The following FAM153A variants were observed in gnomAD, a reference collection of about 807,000 sequenced individuals.
FAM153A encodes the protein protein FAM153A.
FAM153A carries 12 observed loss-of-function variants against 48.1 expected under a neutral mutation model. That is an observed-to-expected ratio of 0.25 (90% CI 0.16 to 0.40). The LOEUF (loss-of-function observed/expected upper bound fraction) is 0.40. Among genes scored for constraint, FAM153A ranks in the 10% least tolerant of loss-of-function variants. The pLI is 1.00. For synonymous variants in FAM153A, 36 were observed against 118.2 expected, an observed-to-expected ratio of 0.30 and a Z score of 4.51; for missense variants, 111 against 345.8, an observed-to-expected ratio of 0.32 and a Z score of 5.38.
At chr5:177,702,198 G>A in the FAM153A span, among the ~76,000 whole-genome samples, 8 of 151,838 alleles carry the variant, frequency 5.3e-5, no homozygotes, top group South Asian at 2.1e-4. Context: ...GTGAGCCACC[G>A]CGCCTGGCCA....
At chr5:177,697,596 G>A in the FAM153A span, among the ~76,000 whole-genome samples, 1 of 151,828 alleles carries the variant, frequency 6.6e-6, no homozygotes, top group African/African-American at 2.4e-5. Context: ...AGGAGTCAGT[G>A]GTTGTCATTG....
upstream of FAM153A, among the ~76,000 whole-genome samples, chr5:177,755,494 C>G (rs1312524539): frequency 1.8e-4 from 28 of 151,776 alleles, no homozygotes; most frequent in Middle Eastern, 3.4e-3. Context: ...GTGCCACAAA[C>G]ATACTCCTCG....
intron 1 of FAM153A, among the ~76,000 whole-genome samples, chr5:177,770,137 A>G (rs1321625643): frequency 3.4e-4 from 44 of 130,642 alleles, no homozygotes; most frequent in Non-Finnish European, 3.2e-5. Flanking sequence ...TTTATCTATA[A>G]CATTCACTGC....
At chr5:177,703,470 AGACTTTG>A (rs1204939686), downstream of FAM153A, among the ~76,000 whole-genome samples, 2 of 150,338 alleles carry the variant, frequency 1.3e-5, no homozygotes, top group African/African-American at 4.9e-5. Context: ...GTCTCAGATG[AGACTTTG>A]GACTTTGGAC....
chr5:177,700,381 G>A, the FAM153A span, among the ~76,000 whole-genome samples: 3 of 152,014 alleles, frequency 2.0e-5, no homozygotes, highest in Non-Finnish European at 2.9e-5. Flanking sequence ...AGATAGGAAA[G>A]GTGGAAGTAA....
chr5:177,706,834 TGAA>T (rs1451418872), downstream of FAM153A: 2 of 151,886 alleles, frequency 1.3e-5, no homozygotes, highest in Non-Finnish European at 2.9e-5. Flanking sequence ...TTGGCAAATG[TGAA>T]GAAGTGAGAT....
At chr5:177,758,719 A>C (rs1271227867) in intron 1 of FAM153A, among the ~76,000 whole-genome samples, 4 of 151,106 alleles carry the variant, frequency 2.6e-5, no homozygotes, top group Non-Finnish European at 5.9e-5. Flanking sequence ...AAAACAAGAA[A>C]TGGGGAAAGG....
At chr5:177,698,940 AGCCACTGTGTGCT>A in the FAM153A span, among the ~76,000 whole-genome samples, 1 of 151,796 alleles carries the variant, frequency 6.6e-6, no homozygotes, top group Non-Finnish European at 1.5e-5. Context: ...TACAGGTGTG[AGCCACTGTGTGCT>A]GCCACTTTTT....
chr5:177,753,911 G>A (rs1442382647), upstream of FAM153A, among the ~76,000 whole-genome samples: 1 of 151,932 alleles, frequency 6.6e-6, no homozygotes, highest in African/African-American at 2.4e-5. Flanking sequence ...CAGCGTGAGT[G>A]ATGCAGAATA....
chr5:177,743,187 CTTGTTTTTTTT>C (rs1177511258), intron 6 of FAM153A, among the ~76,000 whole-genome samples: 34 of 77,902 alleles, frequency 4.4e-4, no homozygotes, highest in Middle Eastern at 6.4e-3. Flanking sequence ...ACTGCATTCA[CTTGTTTTTTTT>C]TTGTTTTGTT....
chr5:177,752,635 A>AG (rs1767099235), intron 1 of FAM153A, among the ~76,000 whole-genome samples: 2 of 134,104 alleles, frequency 1.5e-5, no homozygotes, highest in Admixed American at 7.3e-5. Context: ...AAAAAAAAAA[A>AG]AAAAAAAGAA....
the FAM153A span, among the ~76,000 whole-genome samples, chr5:177,698,438 T>C: frequency 2.1e-3 from 318 of 152,030 alleles, 5 homozygotes; most frequent in Admixed American, 6.2e-3. Flanking sequence ...GTGGCTTCAC[T>C]GACAAACTTG....
At chr5:177,781,264 A>ATTTTTTTTTTT (rs1303137176), upstream of FAM153A, among the ~76,000 whole-genome samples, 246 of 75,274 alleles carry the variant, frequency 3.3e-3, no homozygotes, top group African/African-American at 5.5e-3. Flanking sequence ...ACGCCCGGCT[A>ATTTTTTTTTTT]TTTTTTTTTT....
chr5:177,702,099 G>A, the FAM153A span, among the ~76,000 whole-genome samples: 4 of 151,644 alleles, frequency 2.6e-5, no homozygotes, highest in Non-Finnish European at 4.4e-5. Context: ...TAGTAGAGAC[G>A]GGGTTTCACC....
intron 24 of FAM153A, among the ~76,000 whole-genome samples, chr5:177,716,715 A>C (rs1263864319): frequency 6.6e-6 from 1 of 151,896 alleles, no homozygotes; most frequent in Non-Finnish European, 1.5e-5. Flanking sequence ...CCAAAATTAA[A>C]TGGCCACAGA....
chr5:177,694,575 T>TGTG, the FAM153A span, among the ~76,000 whole-genome samples: 1 of 66,850 alleles, frequency 1.5e-5, no homozygotes, highest in African/African-American at 6.4e-5. Flanking sequence ...AGTTAGCAAG[T>TGTG]GTGGAGGTAA....
intron 26 of FAM153A, among the ~76,000 whole-genome samples, chr5:177,713,478 C>T (rs921615478): frequency 4.0e-5 from 6 of 151,398 alleles, no homozygotes; most frequent in Non-Finnish European, 8.8e-5. Context: ...AGGACGGTCT[C>T]GATCTCCTGA....
At chr5:177,781,316 C>A (rs1053714670), upstream of FAM153A, among the ~76,000 whole-genome samples, 3 of 141,040 alleles carry the variant, frequency 2.1e-5, no homozygotes, top group African/African-American at 8.1e-5. Flanking sequence ...AGGGTTTCAC[C>A]GTGTTTGCCA....
chr5:177,746,502 G>A lies in FAM153A; in HGVS notation c.259+1267C>T, dbSNP rs530143511. ...TAAAAAGCAACCTTTCTTCAAAGAG[G>A]TGATATAATTCTAGCCAAAATATTC... On this transcript the variant is annotated intron_variant, in intron 4 of 20. Transcript: ENST00000614127. Among the ~76,000 whole-genome samples the A allele has an allele frequency of 1.6e-4, 24 of 151,066 alleles. No homozygotes were observed. The South Asian group carries it at 5.0e-3, about 32-fold the overall frequency.
Sources: gnomAD v4.1 joint callset for allele counts (sites outside exome capture counted in the v4.1 genomes callset) on GRCh38, gnomAD v4.1.1 for gene constraint, MANE v1.5 for transcripts, NCBI Gene and HGNC (gene_info 2026-07-23, HGNC 2026-07-21) for gene names.